TMEM132B: variants seen among roughly 807,000 people sequenced by gnomAD.
TMEM132B encodes the protein transmembrane protein 132B.
In TMEM132B, 18 loss-of-function variants were observed where a neutral mutation model predicts 90.8. That is an observed-to-expected ratio of 0.20 (90% CI 0.14 to 0.29). TMEM132B has a LOEUF of 0.29. Among genes scored for constraint, TMEM132B ranks in the 10% least tolerant of loss-of-function variants. The pLI is 1.00. For synonymous variants in TMEM132B, 504 were observed against 523.3 expected (o/e 0.96, Z 0.50); for missense variants, 1,096 against 1,326.8 (o/e 0.83, Z 2.70).
intron 5 of TMEM132B, among the ~76,000 whole-genome samples, chr12:125,630,299 T>G (rs1886333054): frequency 6.6e-6 from 1 of 152,110 alleles, no homozygotes; most frequent in Admixed American, 6.6e-5. Context: ...CTTTTTGTTA[T>G]GGCTTGGATC....
At chr12:125,256,294 C>T (rs910774007) in intron 1 of TMEM132B, among the ~76,000 whole-genome samples, 2 of 152,176 alleles carry the variant, frequency 1.3e-5, no homozygotes, top group African/African-American at 4.8e-5. Flanking sequence ...TTTAATACAG[C>T]CTCGCTGAGG....
rs185466763 is a variant in TMEM132B, at chr12:125,233,905, G to T, written c.67+47039G>T. Among the ~76,000 whole-genome samples, 304 of 152,304 alleles carry T rather than the reference G, an allele frequency of 2.0e-3. No individual in the cohort carries two copies. In the Middle Eastern group the frequency reaches 0.021, roughly 10 times the overall value. ...CCTGGCATGGTGCTGGCCCATAGCA[G>T]CCGTTTCATGAGCGCTTGTGGTCTG... On this transcript the variant is annotated intron_variant, in intron 1 of 8. Coordinates refer to ENST00000682704, the MANE Select transcript of TMEM132B (RefSeq NM_001366854.1).
chr12:125,541,052 A>C (rs372887854), intron 4 of TMEM132B, among the ~76,000 whole-genome samples: 2 of 152,178 alleles, frequency 1.3e-5, no homozygotes, highest in Non-Finnish European at 2.9e-5. Flanking sequence ...GATGTCTACA[A>C]GACTCATGCT....
At chr12:125,563,030 A>G (rs952151312) in intron 4 of TMEM132B, among the ~76,000 whole-genome samples, 2 of 151,964 alleles carry the variant, frequency 1.3e-5, no homozygotes, top group East Asian at 1.9e-4. Context: ...TGGTCAGTGG[A>G]GCAGTCAGAA....
chr12:125,206,503 G>T (rs556595370), intron 1 of TMEM132B, among the ~76,000 whole-genome samples: 40 of 152,232 alleles, frequency 2.6e-4, no homozygotes, highest in African/African-American at 9.4e-4. Context: ...CTCCCAAAGT[G>T]TCGGGATTAC....
intron 3 of TMEM132B, among the ~76,000 whole-genome samples, chr12:125,512,234 A>G (rs929886349): frequency 1.3e-5 from 2 of 152,216 alleles, no homozygotes; most frequent in African/African-American, 4.8e-5. Flanking sequence ...AATAAAGGGG[A>G]CAGTGTTCTG....
At chr12:125,374,788 C>A (rs1878425837) in intron 2 of TMEM132B, among the ~76,000 whole-genome samples, 1 of 152,070 alleles carries the variant, frequency 6.6e-6, no homozygotes, top group Non-Finnish European at 1.5e-5. Context: ...AAAAAGAGAT[C>A]ATCTGTGGCT....
intron 1 of TMEM132B, among the ~76,000 whole-genome samples, chr12:125,335,352 T>C (rs532851488): frequency 2.0e-5 from 3 of 152,330 alleles, no homozygotes; most frequent in Non-Finnish European, 4.4e-5. Flanking sequence ...GATGATTCTT[T>C]GGGGAACCAC....
intron 5 of TMEM132B, among the ~76,000 whole-genome samples, chr12:125,590,834 C>T (rs952900670): frequency 2.0e-5 from 3 of 152,190 alleles, no homozygotes; most frequent in African/African-American, 7.2e-5. Context: ...GGTAATACTA[C>T]TATTCGAAGT....
intron 1 of TMEM132B, among the ~76,000 whole-genome samples, chr12:125,332,102 C>G (rs955701518): frequency 6.6e-6 from 1 of 152,082 alleles, no homozygotes; most frequent in Non-Finnish European, 1.5e-5. Flanking sequence ...AAATAATACT[C>G]TAGCTCATAG....
intron 4 of TMEM132B, among the ~76,000 whole-genome samples, chr12:125,531,267 C>A (rs1422164186): frequency 2.6e-5 from 4 of 152,186 alleles, no homozygotes; most frequent in South Asian, 2.1e-4. Flanking sequence ...CTCACTGCAG[C>A]CTTAACCTCC....
At chr12:125,570,796 C>T (rs1884772433) in intron 4 of TMEM132B, among the ~76,000 whole-genome samples, 1 of 152,060 alleles carries the variant, frequency 6.6e-6, no homozygotes, top group Admixed American at 6.5e-5. Flanking sequence ...AATCAGAAGT[C>T]AAGGTGTCTG....
chr12:125,493,156 C>T (rs1251689305), intron 3 of TMEM132B, among the ~76,000 whole-genome samples: 1 of 152,182 alleles, frequency 6.6e-6, no homozygotes. Flanking sequence ...AGGTCTCACT[C>T]CACAATGCTG....
At chr12:125,648,408 G>A (rs890895928) in intron 6 of TMEM132B, among the ~76,000 whole-genome samples, 1 of 151,994 alleles carries the variant, frequency 6.6e-6, no homozygotes, top group African/African-American at 2.4e-5. Flanking sequence ...ACTGTAATAA[G>A]TTATGCTTGT....
intron 1 of TMEM132B, among the ~76,000 whole-genome samples, chr12:125,230,456 C>T (rs541005113): frequency 1.3e-5 from 2 of 152,060 alleles, no homozygotes; most frequent in Non-Finnish European, 2.9e-5. Flanking sequence ...AGGTGGGGCC[C>T]AGGCATCTGT....
chr12:125,482,813 C>G (rs1278789455), intron 3 of TMEM132B, among the ~76,000 whole-genome samples: 1 of 152,144 alleles, frequency 6.6e-6, no homozygotes, highest in African/African-American at 2.4e-5. Context: ...TATTGCGGCA[C>G]TATTCACAAT....
chr12:125,361,610 G>A (rs778227247), intron 2 of TMEM132B, among the ~76,000 whole-genome samples: 3 of 152,202 alleles, frequency 2.0e-5, no homozygotes, highest in Non-Finnish European at 2.9e-5. Context: ...AGAGCTAAGA[G>A]CTTAGATTTT....
intron 1 of TMEM132B, among the ~76,000 whole-genome samples, chr12:125,215,919 G>T (rs1371506421): frequency 6.6e-6 from 1 of 152,214 alleles, no homozygotes; most frequent in African/African-American, 2.4e-5. Context: ...GCCTTAACTT[G>T]ATCACAGTCT....
intron 1 of TMEM132B, among the ~76,000 whole-genome samples, chr12:125,282,941 C>G (rs1875240079): frequency 6.6e-6 from 1 of 152,124 alleles, no homozygotes; most frequent in African/African-American, 2.4e-5. Flanking sequence ...GGACGGCCCT[C>G]CAAGTGTTTG....
Sources: allele counts gnomAD v4.1 joint callset (sites outside exome capture counted in the v4.1 genomes callset), GRCh38; gene constraint gnomAD v4.1.1; transcripts MANE v1.5; gene names NCBI Gene and HGNC (gene_info 2026-07-23, HGNC 2026-07-21).